The following PTPRG variants were observed in gnomAD, a reference collection of about 807,000 sequenced individuals.
PTPRG encodes receptor-type tyrosine-protein phosphatase gamma.
In PTPRG, 102 loss-of-function variants were observed where a neutral mutation model predicts 165.3. That is an observed-to-expected ratio of 0.62 (90% confidence interval 0.53 to 0.73). The LOEUF (loss-of-function observed/expected upper bound fraction) is 0.73, where lower values mean the gene tolerates loss of function less well. Ranked by LOEUF, PTPRG falls within the 30% of genes least tolerant of loss-of-function variation. PTPRG has a pLI of 0.00. For synonymous variants in PTPRG, 675 were observed against 669.5 expected (o/e 1.01, Z -0.13); for missense variants, 1,866 against 1,861.4 (o/e 1.00, Z -0.05).
intron 2 of PTPRG, among the ~76,000 whole-genome samples, chr3:61,970,765 A>G (rs2040364117): frequency 6.6e-6 from 1 of 152,248 alleles, no homozygotes; most frequent in Admixed American, 6.5e-5. Context: ...AACTTGGTAC[A>G]TCTGCAGTGG....
chr3:61,769,038 T>C (rs1165662297), intron 2 of PTPRG, among the ~76,000 whole-genome samples: 1 of 152,184 alleles, frequency 6.6e-6, no homozygotes, highest in Non-Finnish European at 1.5e-5. Context: ...AAATGGAGCA[T>C]TTGTGTATGA....
At chr3:62,239,290 T>A (rs956225268) in intron 14 of PTPRG, among the ~76,000 whole-genome samples, 1 of 151,982 alleles carries the variant, frequency 6.6e-6, no homozygotes, top group African/African-American at 2.4e-5. Context: ...AAATTGAAAT[T>A]GCACGCTCAG....
At chr3:62,183,830 A>G (rs1031720134) in intron 8 of PTPRG, among the ~76,000 whole-genome samples, 1 of 152,200 alleles carries the variant, frequency 6.6e-6, no homozygotes, top group Non-Finnish European at 1.5e-5. Flanking sequence ...GGGAAGGATG[A>G]AGGAGAAGGG....
At chr3:62,206,378 GCT>G (rs1700230801) in intron 12 of PTPRG, among the ~76,000 whole-genome samples, 1 of 152,124 alleles carries the variant, frequency 6.6e-6, no homozygotes, top group Non-Finnish European at 1.5e-5. Context: ...AACCCAGTTG[GCT>G]CTGTCCCTTA....
intron 2 of PTPRG, among the ~76,000 whole-genome samples, chr3:61,921,877 T>C (rs1018348572): frequency 4.6e-5 from 7 of 152,238 alleles, no homozygotes; most frequent in Non-Finnish European, 8.8e-5. Flanking sequence ...AGTTTATGCA[T>C]ATTGAGCTTT....
At chr3:61,615,353 G>A (rs538746452) in intron 1 of PTPRG, among the ~76,000 whole-genome samples, 3 of 152,316 alleles carry the variant, frequency 2.0e-5, no homozygotes, top group South Asian at 4.1e-4. Context: ...TAACACACCA[G>A]TTGTTTAGCT....
At chr3:61,874,547 C>G (rs1382369029) in intron 2 of PTPRG, among the ~76,000 whole-genome samples, 3 of 151,824 alleles carry the variant, frequency 2.0e-5, no homozygotes, top group Non-Finnish European at 4.4e-5. Context: ...CACAGATACT[C>G]AACCACTTTA....
intron 2 of PTPRG, among the ~76,000 whole-genome samples, chr3:61,894,963 G>A (rs1032253424): frequency 3.9e-5 from 6 of 152,170 alleles, no homozygotes; most frequent in Non-Finnish European, 7.3e-5. Context: ...TTTGTTGTAG[G>A]AGGGTATCTT....
At chr3:61,768,855 T>C (rs1049134392) in intron 2 of PTPRG, among the ~76,000 whole-genome samples, 3 of 152,164 alleles carry the variant, frequency 2.0e-5, no homozygotes, top group African/African-American at 7.2e-5. Context: ...ACTATCATAA[T>C]GATTTCCCCA....
intron 4 of PTPRG, among the ~76,000 whole-genome samples, chr3:62,025,662 C>A (rs900684908): frequency 2.6e-5 from 4 of 152,178 alleles, no homozygotes; most frequent in Middle Eastern, 3.4e-3. Flanking sequence ...TCTACCTGTC[C>A]TTAAAAATTG....
At chr3:61,982,870 G>A (rs1416883397) in intron 2 of PTPRG, among the ~76,000 whole-genome samples, 8 of 152,102 alleles carry the variant, frequency 5.3e-5, no homozygotes, top group South Asian at 2.1e-4. Context: ...GAACAAAGTA[G>A]TTAGTTTCTA....
intron 2 of PTPRG, among the ~76,000 whole-genome samples, chr3:61,890,179 C>A (rs1481616495): frequency 1.3e-5 from 2 of 152,110 alleles, no homozygotes; most frequent in South Asian, 2.1e-4. Context: ...CAATTATTAT[C>A]CTTAAAGTAT....
chr3:62,106,541 C>T (rs1414907248), intron 5 of PTPRG, among the ~76,000 whole-genome samples: 1 of 148,824 alleles, frequency 6.7e-6, no homozygotes, highest in East Asian at 2.0e-4. Context: ...CACTCTGTTG[C>T]CCAGGCTGGG....
chr3:62,004,686 G>A (rs1028950150), intron 4 of PTPRG, among the ~76,000 whole-genome samples: 1 of 152,182 alleles, frequency 6.6e-6, no homozygotes, highest in Non-Finnish European at 1.5e-5. Context: ...GCGAGCAGCC[G>A]GACCTAGACC....
chr3:61,563,594 C>G (rs939535889), intron 1 of PTPRG, among the ~76,000 whole-genome samples: 4 of 152,174 alleles, frequency 2.6e-5, no homozygotes, highest in Non-Finnish European at 4.4e-5. Flanking sequence ...CAGAGAATTC[C>G]CCGTTTTTCT....
chr3:62,010,769 C>CAG (rs2041403169), intron 4 of PTPRG, among the ~76,000 whole-genome samples: 1 of 152,170 alleles, frequency 6.6e-6, no homozygotes, highest in Non-Finnish European at 1.5e-5. Flanking sequence ...GAACTGTCAT[C>CAG]AGAGGGGGTC....
intron 4 of PTPRG, among the ~76,000 whole-genome samples, chr3:62,071,943 A>G (rs751850202): frequency 6.6e-6 from 1 of 152,214 alleles, no homozygotes; most frequent in Non-Finnish European, 1.5e-5. Context: ...ACAATGTTTT[A>G]ATATGATTAA....
At chr3:61,860,435 T>G (rs1350097093) in intron 2 of PTPRG, among the ~76,000 whole-genome samples, 2 of 7,164 alleles carry the variant, frequency 2.8e-4, no homozygotes, top group Non-Finnish European at 3.7e-4. Context: ...TTTTTGTTCC[T>G]TTTTTTTTTT....
chr3:61,671,342 G>C (rs13061339), intron 1 of PTPRG, among the ~76,000 whole-genome samples: 5 of 151,420 alleles, frequency 3.3e-5, no homozygotes, highest in African/African-American at 4.9e-5. Context: ...GTGATGACTC[G>C]TAAGGAGCAT....
Sources: gnomAD v4.1 joint callset for allele counts (sites outside exome capture counted in the v4.1 genomes callset) on GRCh38, gnomAD v4.1.1 for gene constraint, MANE v1.5 for transcripts, NCBI Gene and HGNC (gene_info 2026-07-23, HGNC 2026-07-21) for gene names.